Variants in NR3C1 observed in about 807,000 individuals in gnomAD.
NR3C1 encodes glucocorticoid receptor.
NR3C1 carries 14 observed loss-of-function variants against 74.0 expected under a neutral mutation model. The ratio of observed to expected loss-of-function variants is 0.19; its 90% CI spans 0.12 to 0.30. The LOEUF (loss-of-function observed/expected upper bound fraction) is 0.30, where lower values mean the gene tolerates loss of function less well. NR3C1 is among the 10% of genes least tolerant of loss of function. NR3C1 has a pLI of 1.00. For missense variants in NR3C1, 695 were observed against 909.8 expected (o/e 0.76, Z 3.04); for synonymous variants, 308 against 332.5 (o/e 0.93, Z 0.80).
At chr5:143,311,945 C>CA (rs1369821967) in intron 3 of NR3C1, among the ~76,000 whole-genome samples, 1 of 115,716 alleles carries the variant, frequency 8.6e-6, no homozygotes, top group African/African-American at 2.9e-5. Context: ...TTCCTTGAGC[C>CA]ACAGTGCCCA....
At chr5:143,377,663 G>C (rs975253701) in intron 2 of NR3C1, among the ~76,000 whole-genome samples, 2 of 152,196 alleles carry the variant, frequency 1.3e-5, no homozygotes, top group Non-Finnish European at 2.9e-5. Flanking sequence ...GACCTTCACT[G>C]ATACACCCTA....
At chr5:143,371,981 A>G (rs1369725616) in intron 2 of NR3C1, among the ~76,000 whole-genome samples, 1 of 152,154 alleles carries the variant, frequency 6.6e-6, no homozygotes, top group African/African-American at 2.4e-5. Flanking sequence ...GAGACCCCCA[A>G]TGGATGCCTG....
rs762598029 is a variant in NR3C1, at chr5:143,280,927, T to A, written c.*962A>T. ...ATAGTTTACCAGCTTTCTTGCCATA[T>A]AGCCATTGCAAAAATAGGGCGTTAG... On this transcript the variant is annotated 3_prime_UTR_variant, in exon 9 of 9. Coordinates refer to ENST00000394464, the MANE Select transcript of NR3C1 (RefSeq NM_000176.3). 1 of 152,198 alleles carries A rather than the reference T, an allele frequency of 6.6e-6. No homozygotes were observed. The highest frequency in any genetic ancestry group is 1.5e-5 in the Non-Finnish European group (1 of 68,030). The allele number at this position is 152,198 out of a possible 1,614,324, so 9.4% of individuals were successfully genotyped here. A position where few individuals can be genotyped will look rare whatever the true frequency, so the allele number is the denominator to read the frequency against.
At chr5:143,396,369 C>A (rs542405478) in intron 2 of NR3C1, among the ~76,000 whole-genome samples, 3 of 151,408 alleles carry the variant, frequency 2.0e-5, no homozygotes, top group South Asian at 4.2e-4. Flanking sequence ...TAAATGAGTA[C>A]CAGAAATATT....
At chr5:143,285,041 ACGAAGGAGG>A (rs1814065628) in intron 7 of NR3C1, among the ~76,000 whole-genome samples, 2 of 133,286 alleles carry the variant, frequency 1.5e-5, no homozygotes, top group Non-Finnish European at 1.6e-5. Context: ...ACTACTGGAA[ACGAAGGAGG>A]TACACAAAGA....
chr5:143,435,214 T>C (rs1752051526), exon 1 of NR3C1: 3 of 985,510 alleles, frequency 3.0e-6, no homozygotes, highest in South Asian at 9.4e-5. Context: ...CCTCTTTCTG[T>C]TTCTATTCCT....
intron 1 of NR3C1, chr5:143,402,836 A>T (rs544357862): frequency 1.0e-6 from 1 of 985,190 alleles, no homozygotes; most frequent in African/African-American, 1.7e-5. Context: ...AGCGTTCACC[A>T]CGAAAACGGG....
At chr5:143,337,021 G>A (rs1175371837) in intron 2 of NR3C1, among the ~76,000 whole-genome samples, 1 of 151,612 alleles carries the variant, frequency 6.6e-6, no homozygotes, top group South Asian at 2.1e-4. Flanking sequence ...ATACACACAC[G>A]CACATGTGTG....
intron 2 of NR3C1, chr5:143,376,011 T>C (rs2151869954): frequency 6.6e-6 from 1 of 152,322 alleles, no homozygotes; most frequent in East Asian, 1.9e-4. Flanking sequence ...TTTTCATGAA[T>C]TCTCAATGTT....
intron 1 of NR3C1, among the ~76,000 whole-genome samples, chr5:143,420,593 A>C (rs968523257): frequency 4.6e-5 from 7 of 152,052 alleles, no homozygotes; most frequent in African/African-American, 1.7e-4. Flanking sequence ...GATATTTGGA[A>C]ATTCCTGGAG....
At chr5:143,431,499 G>C (rs753868933) in intron 1 of NR3C1, among the ~76,000 whole-genome samples, 1 of 152,062 alleles carries the variant, frequency 6.6e-6, no homozygotes, top group South Asian at 2.1e-4. Context: ...CCTGTCAGGG[G>C]GTGGGGGGTA....
intron 2 of NR3C1, among the ~76,000 whole-genome samples, chr5:143,381,595 T>C (rs1408335082): frequency 1.3e-5 from 2 of 151,934 alleles, no homozygotes; most frequent in East Asian, 1.9e-4. Context: ...TAAAAACAGA[T>C]ACACAGACCT....
intron 7 of NR3C1, among the ~76,000 whole-genome samples, chr5:143,285,142 T>C (rs893356306): frequency 6.6e-6 from 1 of 151,900 alleles, no homozygotes; most frequent in African/African-American, 2.4e-5. Flanking sequence ...TCCAGAAATC[T>C]GTACAGTCTT....
intron 2 of NR3C1, among the ~76,000 whole-genome samples, chr5:143,391,016 G>C (rs1398513069): frequency 1.3e-5 from 2 of 152,068 alleles, no homozygotes; most frequent in Middle Eastern, 3.4e-3. Flanking sequence ...TGGAAACTTA[G>C]AACATTTATT....
chr5:143,330,854 G>A (rs1177633711), intron 2 of NR3C1, among the ~76,000 whole-genome samples: 2 of 152,096 alleles, frequency 1.3e-5, no homozygotes, highest in Admixed American at 6.6e-5. Flanking sequence ...AGAAAGAATC[G>A]ATATTGTTAA....
At chr5:143,405,017 A>C, upstream of NR3C1, 1 of 617,776 alleles carries the variant, frequency 1.6e-6, no homozygotes, top group Non-Finnish European at 2.0e-6. Context: ...GGGGAAGGGA[A>C]CTCGTGGTCC....
At chr5:143,292,364 A>C (rs760641533) in intron 7 of NR3C1, among the ~76,000 whole-genome samples, 17 of 151,714 alleles carry the variant, frequency 1.1e-4, no homozygotes, top group Admixed American at 3.3e-4. Context: ...AGTTTTTTTT[A>C]GTGGGTCTGA....
intron 1 of NR3C1, among the ~76,000 whole-genome samples, chr5:143,427,809 T>C (rs937095800): frequency 6.6e-6 from 1 of 152,198 alleles, no homozygotes; most frequent in Non-Finnish European, 1.5e-5. Context: ...TACCACTCAC[T>C]AGCATTGTGA....
In NR3C1 at chr5:143,398,446, A is replaced by T. The variant is rs372274342; in HGVS notation, c.1184+1210T>A. 2.6e-5 allele frequency among the ~76,000 whole-genome samples: 4 copies of T among 151,720 alleles called. No homozygotes were observed. The East Asian group carries it at 7.7e-4, about 29-fold the overall frequency. On this transcript the variant is annotated intron_variant, in intron 2 of 8. Coordinates refer to ENST00000394464, the MANE Select transcript of NR3C1 (RefSeq NM_000176.3). ...TCTAAATTATTTCCCTAACAAGAAA[A>T]GCTTCTTAAGTACAGAGGAAAGAAA...
Sources: gnomAD v4.1 joint callset for allele counts (sites outside exome capture counted in the v4.1 genomes callset) on GRCh38, gnomAD v4.1.1 for gene constraint, MANE v1.5 for transcripts, NCBI Gene and HGNC (gene_info 2026-07-23, HGNC 2026-07-21) for gene names.